ADGRB3: variants seen among roughly 807,000 people sequenced by gnomAD.
ADGRB3 encodes adhesion G protein-coupled receptor B3.
In ADGRB3, 37 loss-of-function variants were observed where a neutral mutation model predicts 193.4. The observed-to-expected ratio is 0.19, with a 90% CI of 0.15 to 0.25. The LOEUF is 0.25. ADGRB3 is among the 10% of genes least tolerant of loss of function. The pLI is 1.00. For missense variants in ADGRB3, 1,637 were observed against 1,852.9 expected (o/e 0.88, Z 2.14); for synonymous variants, 690 against 644.2 (o/e 1.07, Z -1.08).
chr6:69,204,864 G>A lies in ADGRB3; in HGVS notation c.2481-28426G>A, dbSNP rs373731841. Among the ~76,000 whole-genome samples, 27 of 151,998 alleles carry A rather than the reference G, an allele frequency of 1.8e-4. No homozygotes were observed. The East Asian group carries it at 4.8e-3, about 27-fold the overall frequency. ...TTTATTTTATAACCCCAATATGAGT[G>A]GACAATGTTAAGTGGCACTTAAAAG... On this transcript the variant is annotated intron_variant, in intron 17 of 31. Coordinates refer to ENST00000370598, the MANE Select transcript of ADGRB3 (RefSeq NM_001704.3).
chr6:69,091,224 A>G (rs1243061847), intron 17 of ADGRB3, among the ~76,000 whole-genome samples: 1 of 152,224 alleles, frequency 6.6e-6, no homozygotes, highest in African/African-American at 2.4e-5. Context: ...TGTGGAAGAC[A>G]GTGTGGCAAT....
At chr6:68,874,332 A>G (rs1330388335) in intron 3 of ADGRB3, among the ~76,000 whole-genome samples, 1 of 152,118 alleles carries the variant, frequency 6.6e-6, no homozygotes, top group Non-Finnish European at 1.5e-5. Context: ...GTAACTCCTC[A>G]AGTATCTAGG....
At chr6:69,235,203 T>A in intron 19 of ADGRB3, 68 bp downstream of exon 19, 3 of 1,199,630 alleles carry the variant, frequency 2.5e-6, no homozygotes, top group Non-Finnish European at 3.7e-6. Context: ...AGGAATGTGA[T>A]AATTATTAAA....
rs141396493 is a variant in ADGRB3 at position 68,859,993 on chromosome 6, T to C, written c.758-70566T>C. Among the ~76,000 whole-genome samples, 21 of 152,268 alleles carry C rather than the reference T, an allele frequency of 1.4e-4. No individual in the cohort carries two copies. In the East Asian group the frequency reaches 3.9e-3, roughly 28 times the overall value. ...TTATTCCATAACATAATAGTAACTA[T>C]AGGTATTTTATGAAAAATAACTATG... On this transcript the variant is annotated intron_variant, in intron 3 of 31. Coordinates refer to ENST00000370598, the MANE Select transcript of ADGRB3 (RefSeq NM_001704.3).
intron 3 of ADGRB3, among the ~76,000 whole-genome samples, chr6:68,741,908 T>G (rs1765990668): frequency 6.6e-6 from 1 of 152,222 alleles, no homozygotes; most frequent in Non-Finnish European, 1.5e-5. Flanking sequence ...AAATTCATTA[T>G]CATTCACGAG....
chr6:68,866,869 A>G (rs1482309340), intron 3 of ADGRB3, among the ~76,000 whole-genome samples: 1 of 152,242 alleles, frequency 6.6e-6, no homozygotes, highest in Admixed American at 6.5e-5. Context: ...GAAACTTCCA[A>G]GTAAAAAAGC....
At chr6:69,381,372 C>T (rs1283865377) in intron 30 of ADGRB3, among the ~76,000 whole-genome samples, 1 of 151,882 alleles carries the variant, frequency 6.6e-6, no homozygotes, top group East Asian at 1.9e-4. Context: ...TTCTTGTCCT[C>T]AAACACCTGA....
At chr6:69,306,076 G>A (rs1335180386) in intron 20 of ADGRB3, among the ~76,000 whole-genome samples, 1 of 151,478 alleles carries the variant, frequency 6.6e-6, no homozygotes, top group African/African-American at 2.4e-5. Flanking sequence ...AGGGAGTTGA[G>A]CATCCCTGGA....
chr6:69,014,487 TATA>T (rs1770032586), intron 12 of ADGRB3, among the ~76,000 whole-genome samples: 1 of 152,028 alleles, frequency 6.6e-6, no homozygotes, highest in Non-Finnish European at 1.5e-5. Context: ...CAATGCTACA[TATA>T]ATATGGATCA....
chr6:68,898,115 A>G (rs956776823), intron 3 of ADGRB3, among the ~76,000 whole-genome samples: 3 of 151,906 alleles, frequency 2.0e-5, no homozygotes, highest in African/African-American at 4.8e-5. Context: ...AGAATATGCT[A>G]TCTGCAAGGT....
intron 3 of ADGRB3, among the ~76,000 whole-genome samples, chr6:68,760,933 A>G (rs1375228500): frequency 2.0e-5 from 3 of 152,126 alleles, no homozygotes; most frequent in Non-Finnish European, 4.4e-5. Flanking sequence ...AAATACTATA[A>G]TTTTTCCTTT....
At chr6:68,740,855 A>T (rs932989483) in intron 3 of ADGRB3, among the ~76,000 whole-genome samples, 1 of 152,198 alleles carries the variant, frequency 6.6e-6, no homozygotes, top group African/African-American at 2.4e-5. Context: ...CTTAACAAAG[A>T]TAAAGTGAGT....
chr6:69,231,882 T>C (rs1766148537), intron 17 of ADGRB3, among the ~76,000 whole-genome samples: 1 of 152,114 alleles, frequency 6.6e-6, no homozygotes, highest in African/African-American at 2.4e-5. Context: ...ATATTAAAAA[T>C]ATATTGCTGG....
intron 20 of ADGRB3, among the ~76,000 whole-genome samples, chr6:69,313,530 G>T (rs1379239282): frequency 2.0e-5 from 3 of 151,680 alleles, no homozygotes; most frequent in African/African-American, 7.3e-5. Context: ...GCAAGATTTT[G>T]TTTGCTTTGC....
At chr6:69,213,250 A>G (rs549137085) in intron 17 of ADGRB3, among the ~76,000 whole-genome samples, 352 of 152,298 alleles carry the variant, frequency 2.3e-3, no homozygotes, top group African/African-American at 8.0e-3. Context: ...CATTCAACAA[A>G]TAGGAGAATT....
intron 30 of ADGRB3, among the ~76,000 whole-genome samples, chr6:69,372,768 T>C (rs1044869854): frequency 6.6e-6 from 1 of 152,048 alleles, no homozygotes; most frequent in Non-Finnish European, 1.5e-5. Context: ...TCCTGATTTT[T>C]ATATTTAAAG....
intron 3 of ADGRB3, among the ~76,000 whole-genome samples, chr6:68,656,730 G>T (rs898305164): frequency 6.6e-6 from 1 of 151,320 alleles, no homozygotes; most frequent in Non-Finnish European, 1.5e-5. Context: ...CTATATCACT[G>T]GAAGCAATGA....
At chr6:69,268,509 T>G (rs768830598) in intron 20 of ADGRB3, among the ~76,000 whole-genome samples, 2 of 152,162 alleles carry the variant, frequency 1.3e-5, no homozygotes, top group Non-Finnish European at 2.9e-5. Flanking sequence ...TCTAACATTT[T>G]AAGGCAGCCA....
intron 10 of ADGRB3, among the ~76,000 whole-genome samples, chr6:68,992,040 TGTGAATAA>T (rs1297716245): frequency 6.6e-6 from 1 of 152,124 alleles, no homozygotes; most frequent in East Asian, 1.9e-4. Flanking sequence ...TTGCTAAGAC[TGTGAATAA>T]GGCAGGGAGA....
Sources: allele counts gnomAD v4.1 joint callset (sites outside exome capture counted in the v4.1 genomes callset), GRCh38; gene constraint gnomAD v4.1.1; transcripts MANE v1.5; gene names NCBI Gene and HGNC (gene_info 2026-07-23, HGNC 2026-07-21).